Variants in CPEB2 observed in about 807,000 individuals in gnomAD.
CPEB2 encodes the protein cytoplasmic polyadenylation element binding protein 2.
In CPEB2, 56 loss-of-function variants were observed where a neutral mutation model predicts 93.6. The observed-to-expected ratio is 0.60, with a 90% CI of 0.48 to 0.75. CPEB2 has a LOEUF of 0.75. Ranked by LOEUF, CPEB2 falls within the 30% of genes least tolerant of loss-of-function variation. The pLI, the probability that CPEB2 is intolerant of heterozygous loss-of-function variation, is 0.00. For missense variants in CPEB2, 1,579 were observed against 1,395.1 expected (o/e 1.13, Z -2.10); for synonymous variants, 764 against 586.3 (o/e 1.30, Z -4.38).
chr4:15,004,107 T>G lies in CPEB2; in HGVS notation c.1434T>G (p.Val478=), dbSNP rs367900636. The change falls in exon 1 of 12, where the codon GTT becomes GTG. Residue 478 remains valine, a synonymous_variant. Transcript: ENST00000538197. ...CGCACGGCTGCACTGGGCTCAGCGT[T>G]CCGACGAGCGGCGGCGGCGGCGGCG... is the stretch of plus-strand genomic sequence containing the variant. ...VSPHGCTGLS[V]PTSGGGGGGF... 4.3e-4 allele frequency: 669 copies of G among 1,553,768 alleles called. No homozygotes were observed. The highest frequency in any genetic ancestry group is 5.7e-4 in the Non-Finnish European group (653 of 1,154,854).
chr4:15,023,604 T>A (rs543042675), intron 4 of CPEB2, among the ~76,000 whole-genome samples: 36 of 152,138 alleles, frequency 2.4e-4, no homozygotes, highest in South Asian at 2.3e-3. Flanking sequence ...TTAACTTTTT[T>A]AAAAAATTAG....
At chr4:15,010,889 G>A (rs748882039) in intron 3 of CPEB2, among the ~76,000 whole-genome samples, 6 of 151,912 alleles carry the variant, frequency 3.9e-5, no homozygotes, top group East Asian at 3.9e-4. Flanking sequence ...ACACGTAATC[G>A]AATTCAATAA....
chr4:15,002,600 A>C lies in CPEB2; in HGVS notation c.-74A>C. The stretch of plus-strand genomic sequence containing the variant: ...CCCCTCCTTCCACCACGGCCGCGCA[A>C]CCCCAGCGCCGGCGGCTTCCTAGGT... On this transcript the variant is annotated 5_prime_UTR_variant, in exon 1 of 12. Transcript: ENST00000538197. 7.8e-7 allele frequency: 1 copy of C among 1,289,818 alleles called. No individual in the cohort carries two copies. Among genetic ancestry groups the C allele is most frequent in the African/African-American group, 1.5e-5 (1 of 64,604 alleles). The allele number at this position is 1,289,818 out of a possible 1,614,324, so 79.9% of individuals were successfully genotyped here.
chr4:15,068,262 C>G lies in CPEB2; in HGVS notation c.*1882C>G, dbSNP rs1729848277. 1.3e-5 allele frequency: 2 copies of G among 152,236 alleles called. No homozygotes were observed. Among genetic ancestry groups the G allele is most frequent in the South Asian group, 4.1e-4 (2 of 4,820 alleles). 9.4% of individuals were successfully genotyped at this position (152,236 alleles called of 1,614,324 possible). A position where few individuals can be genotyped will look rare whatever the true frequency, so the allele number is the denominator to read the frequency against. On this transcript the variant is annotated 3_prime_UTR_variant, in exon 12 of 12. Coordinates refer to ENST00000538197, the MANE Select transcript of CPEB2 (RefSeq NM_001177382.2). Reference sequence around the variant, plus strand: ...GTAAAAATATGTGGTTCATGTCTAACTCTGCTGTTTTATTGTGGTTGTGGT... The same window carrying G: ...GTAAAAATATGTGGTTCATGTCTAAGTCTGCTGTTTTATTGTGGTTGTGGT...
Position 15,066,222 on chromosome 4 carries a change from A to C in CPEB2, c.2947A>C (p.Lys983Gln). 2.5e-6 allele frequency: 4 copies of C among 1,613,556 alleles called. No individual in the cohort carries two copies. Among genetic ancestry groups the C allele is most frequent in the Non-Finnish European group, 3.4e-6 (4 of 1,179,678 alleles). The stretch of plus-strand genomic sequence containing the variant: ...ATGCCAGGGCGCACGCTGTGGTGGA[A>C]AATTTGCTCCCTTTTTTTGTGCCAA... ...DECQGARCGGKFAPFFCANVT... is the reference protein window; with the variant it reads ...DECQGARCGGQFAPFFCANVT... Residue 983 changes from lysine (K) to glutamine (Q), a missense_variant, in exon 12 of 12, where the codon AAA becomes CAA. Lys to Gln is a moderately conservative substitution (Grantham distance 53). Transcript: ENST00000538197.
In CPEB2 at chr4:15,066,514, T is replaced by C; in HGVS notation, c.*134T>C. ...CCCCAGCTATCAATACATGCATCTTTATCAGCAGCCAAAACACTACAAGCC... is the reference window on the plus strand; with the variant it reads ...CCCCAGCTATCAATACATGCATCTTCATCAGCAGCCAAAACACTACAAGCC... On this transcript the variant is annotated 3_prime_UTR_variant, in exon 12 of 12. Coordinates refer to ENST00000538197, the MANE Select transcript of CPEB2 (RefSeq NM_001177382.2). The C allele has an allele frequency of 1.5e-6, 1 of 650,574 alleles. No individual in the cohort carries two copies. The highest frequency in any genetic ancestry group is 2.7e-5 in the Admixed American group (1 of 37,698). 40.3% of individuals were successfully genotyped at this position (650,574 alleles called of 1,614,324 possible).
At position 15,069,128 on chromosome 4, in the gene CPEB2, A is replaced by T. The variant is rs186605448; in HGVS notation, c.*2748A>T. The T allele has an allele frequency of 2.0e-5, 3 of 152,352 alleles. No individual in the cohort carries two copies. Among genetic ancestry groups the T allele is most frequent in the East Asian group, 3.9e-4 (2 of 5,160 alleles). 9.4% of individuals were successfully genotyped at this position (152,352 alleles called of 1,614,324 possible). On this transcript the variant is annotated 3_prime_UTR_variant, in exon 12 of 12. Coordinates refer to ENST00000538197, the MANE Select transcript of CPEB2 (RefSeq NM_001177382.2). ...CAAAAGTATGACTGTGGAGGAAAAA[A>T]AAATACTTTAAAAATCCACACTTTT...
At chr4:15,050,359 T>G (rs1282548203) in intron 6 of CPEB2, among the ~76,000 whole-genome samples, 1 of 152,190 alleles carries the variant, frequency 6.6e-6, no homozygotes, top group East Asian at 1.9e-4. Context: ...GAAAAATTGT[T>G]GTCCACAAAA....
At chr4:15,033,281 G>T in intron 5 of CPEB2, 70 bp downstream of exon 5, 2 of 960,054 alleles carry the variant, frequency 2.1e-6, no homozygotes, top group Non-Finnish European at 3.3e-6. Context: ...ATGTTTCTCT[G>T]AACCTGTCCA....
intron 5 of CPEB2, among the ~76,000 whole-genome samples, chr4:15,034,552 A>G (rs974665263): frequency 4.6e-5 from 7 of 152,188 alleles, no homozygotes; most frequent in South Asian, 2.1e-4. Context: ...GCCACAATGC[A>G]TACTCAGTAC....
intron 4 of CPEB2, among the ~76,000 whole-genome samples, chr4:15,023,053 T>C (rs1029119124): frequency 8.6e-5 from 13 of 152,044 alleles, no homozygotes; most frequent in Non-Finnish European, 7.4e-5. Context: ...TGAAATTTTT[T>C]TGTTAAAAAC....
At position 15,040,452 on chromosome 4, in the gene CPEB2, G is replaced by GT; in HGVS notation, c.2177-9dup. ...TCTGACATTTTACAATTTGTGCTTT[G>GT]TTTACATGCAGCAAGGAGTTATGGG... On this transcript the variant is annotated splice_polypyrimidine_tract_variant and intron_variant, in intron 5 of 11. Transcript: ENST00000538197. The GT allele has an allele frequency of 6.5e-7, 1 of 1,535,860 alleles. No homozygotes were observed. The highest frequency in any genetic ancestry group is 8.7e-7 in the Non-Finnish European group (1 of 1,146,592).
chr4:15,004,314 G>T lies in CPEB2; in HGVS notation c.1641G>T (p.Arg547Ser). ...CGGCCGCCGCCTTCCTGCAGCAGAG[G>T]AACTCCTATAACCACCACCAGGTAC... is the stretch of plus-strand genomic sequence containing the variant. ...QAAAAAFLQQ[R>S]NSYNHHQPLL... The change falls in exon 1 of 12, where the codon AGG (arginine) becomes AGT (serine). Residue 547 changes from arginine (R) to serine (S), a missense_variant. By Grantham distance (110) the Arg-to-Ser change is moderately radical. Coordinates refer to ENST00000538197, the MANE Select transcript of CPEB2 (RefSeq NM_001177382.2). The T allele has an allele frequency of 6.7e-7, 1 of 1,490,192 alleles. No homozygotes were observed. The highest frequency in any genetic ancestry group is 8.9e-7 in the Non-Finnish European group (1 of 1,128,194). The allele number at this position is 1,490,192 out of a possible 1,614,324, so 92.3% of individuals were successfully genotyped here.
intron 3 of CPEB2, among the ~76,000 whole-genome samples, chr4:15,009,195 G>A (rs976239133): frequency 6.6e-5 from 10 of 152,166 alleles, no homozygotes; most frequent in African/African-American, 1.2e-4. Flanking sequence ...TAGACTTAAC[G>A]TTGTGTGTGT....
chr4:15,063,396 C>G (rs942672157), intron 11 of CPEB2, among the ~76,000 whole-genome samples: 1 of 151,238 alleles, frequency 6.6e-6, no homozygotes, highest in African/African-American at 2.4e-5. Context: ...AGGAGGTGCT[C>G]TGCTTTTGAC....
rs951941153 is a variant in CPEB2, at chr4:15,069,089, T to C, written c.*2709T>C. On this transcript the variant is annotated 3_prime_UTR_variant, in exon 12 of 12. Transcript: ENST00000538197. ...CTTCTTCACTTGTGTTCCCTAAATA[T>C]TCATATTGCTGCCCAAAAGTATGAC... is the stretch of plus-strand genomic sequence containing the variant. 9.9e-5 allele frequency: 15 copies of C among 152,188 alleles called. No homozygotes were observed. The Admixed American group carries it at 9.9e-4, about 10-fold the overall frequency. 9.4% of individuals were successfully genotyped at this position (152,188 alleles called of 1,614,324 possible). A position where few individuals can be genotyped will look rare whatever the true frequency, so the allele number is the denominator to read the frequency against.
chr4:15,059,395 CTA>C (rs1333909331), intron 10 of CPEB2, 94 bp downstream of exon 10: 1 of 760,472 alleles, frequency 1.3e-6, no homozygotes. Context: ...GTACATGACA[CTA>C]TTGGACAGAG....
rs1728982610 is a variant in CPEB2 at position 15,059,277 on chromosome 4, G to A, written c.2671G>A (p.Gly891Ser). The A allele has an allele frequency of 6.2e-7, 1 of 1,612,090 alleles. No homozygotes were observed. The highest frequency in any genetic ancestry group is 1.3e-5 in the African/African-American group (1 of 74,974). The change falls in exon 10 of 12, where the codon GGT becomes AGT. Residue 891 changes from glycine (G) to serine (S), a missense_variant. Physicochemically the swap from Gly to Ser is moderately conservative, Grantham distance 56 (BLOSUM62 0). Transcript: ENST00000538197. ...LDPRKTIFVG[G>S]VPRPLRAVEL... is the part of the protein sequence containing the mutation. ...TCCCCGAAAAACAATTTTTGTTGGA[G>A]GTGTTCCTAGGCCATTAAGGGCTGG...
chr4:15,051,526 A>G (rs1318791068), intron 6 of CPEB2, among the ~76,000 whole-genome samples: 1 of 152,198 alleles, frequency 6.6e-6, no homozygotes, highest in Non-Finnish European at 1.5e-5. Context: ...CCTCTTTCTA[A>G]TGCCTCACTA....
Sources: gnomAD v4.1 joint callset for allele counts (sites outside exome capture counted in the v4.1 genomes callset) on GRCh38, gnomAD v4.1.1 for gene constraint, MANE v1.5 for transcripts, NCBI Gene and HGNC (gene_info 2026-07-23, HGNC 2026-07-21) for gene names.